Variants in GADL1 observed in about 807,000 individuals in gnomAD.
GADL1 encodes acidic amino acid decarboxylase GADL1.
In GADL1, 71 loss-of-function variants were observed where a neutral mutation model predicts 69.5. That is an observed-to-expected ratio of 1.02 (90% confidence interval 0.84 to 1.25). The LOEUF is 1.25. GADL1 is among the 50% of genes most tolerant of loss of function. GADL1 has a pLI of 0.00. For synonymous variants in GADL1, 254 were observed against 214.4 expected (o/e 1.18, Z -1.62); for missense variants, 737 against 631.8 (o/e 1.17, Z -1.79).
At chr3:30,809,995 G>A (rs544657962) in intron 11 of GADL1, among the ~76,000 whole-genome samples, 1 of 152,278 alleles carries the variant, frequency 6.6e-6, no homozygotes, top group South Asian at 2.1e-4. Context: ...GCTATGTAAT[G>A]AAGTTTGCTG....
chr3:30,786,793 T>C (rs1696800508), intron 12 of GADL1, among the ~76,000 whole-genome samples: 1 of 152,220 alleles, frequency 6.6e-6, no homozygotes, highest in Non-Finnish European at 1.5e-5. Flanking sequence ...TTGTTTTGTT[T>C]TGTTTTGTTT....
At chr3:30,811,219 G>T (rs1276459863) in intron 11 of GADL1, among the ~76,000 whole-genome samples, 1 of 152,162 alleles carries the variant, frequency 6.6e-6, no homozygotes, top group South Asian at 2.1e-4. Context: ...GTTAGAATGA[G>T]CTGCTTAGAA....
chr3:30,736,999 G>A (rs1695549828), intron 14 of GADL1, among the ~76,000 whole-genome samples: 1 of 152,142 alleles, frequency 6.6e-6, no homozygotes, highest in Non-Finnish European at 1.5e-5. Context: ...CCAGCATTGT[G>A]CAGTCTCCTT....
intron 14 of GADL1, among the ~76,000 whole-genome samples, chr3:30,753,640 T>C (rs1695889595): frequency 6.6e-6 from 1 of 152,174 alleles, no homozygotes; most frequent in South Asian, 2.1e-4. Flanking sequence ...ATCACTCTTG[T>C]TTACTTGCGG....
intron 11 of GADL1, among the ~76,000 whole-genome samples, chr3:30,811,825 T>C (rs906970586): frequency 6.6e-6 from 1 of 152,182 alleles, no homozygotes; most frequent in Non-Finnish European, 1.5e-5. Flanking sequence ...AAAATAACAT[T>C]GCAGGGTTCC....
chr3:30,833,420 G>A (rs553743999), intron 11 of GADL1, among the ~76,000 whole-genome samples: 7 of 152,122 alleles, frequency 4.6e-5, no homozygotes, highest in East Asian at 1.9e-4. Flanking sequence ...CCATATAAAC[G>A]GGCTGTTAAG....
Position 30,844,390 on chromosome 3 carries a change from C to G in GADL1, c.728G>C (p.Gly243Ala). The G allele has an allele frequency of 6.2e-7, 1 of 1,611,554 alleles. No individual in the cohort carries two copies. The highest frequency in any genetic ancestry group is 8.5e-7 in the Non-Finnish European group (1 of 1,177,620). The part of the protein sequence containing the change: ...TENVCFVETD[G>A]RGKMIPEELE... Reference sequence around the variant, plus strand: ...TTCCAGATCCTGTTCCCATTACCTTCCATCTGTTTCCACAAAGCAAACATT... The same window carrying G: ...TTCCAGATCCTGTTCCCATTACCTTGCATCTGTTTCCACAAAGCAAACATT... The change falls in exon 7 of 15, where the codon GGA becomes GCA. Residue 243 changes from glycine (G) to alanine (A), a missense_variant. Physicochemically the swap from Gly to Ala is moderately conservative, Grantham distance 60. Coordinates refer to ENST00000282538, the MANE Select transcript of GADL1 (RefSeq NM_207359.3).
At chr3:30,767,319 C>T (rs773122487) in intron 14 of GADL1, among the ~76,000 whole-genome samples, 1 of 152,050 alleles carries the variant, frequency 6.6e-6, no homozygotes, top group Non-Finnish European at 1.5e-5. Context: ...TTAAAGAATG[C>T]TATTTTACAA....
chr3:30,834,278 A>G lies in GADL1; in HGVS notation c.907T>C (p.Ser303Pro). The G allele has an allele frequency of 6.2e-7, 1 of 1,612,074 alleles. No individual in the cohort carries two copies. The highest frequency in any genetic ancestry group is 8.5e-7 in the Non-Finnish European group (1 of 1,178,482). Residue 303 changes from serine (S) to proline (P), a missense_variant, in exon 10 of 15, where the codon TCT becomes CCT. Transcript: ENST00000282538. ...GACATCAAAGCTGAGCCACCCCAAG[A>G]AGCCTGTTGAGATATTTACAGTACC... Reference protein sequence around the residue: ...RHSLWLHVDASWGGSALMSRK... With the variant: ...RHSLWLHVDAPWGGSALMSRK...
intron 14 of GADL1, among the ~76,000 whole-genome samples, chr3:30,759,869 CAG>C (rs544726243): frequency 3.5e-3 from 531 of 152,280 alleles, no homozygotes; most frequent in Non-Finnish European, 3.5e-3. Flanking sequence ...GCAGATATAA[CAG>C]ACTCACAAAA....
chr3:30,814,800 C>G (rs1697431026), intron 11 of GADL1, among the ~76,000 whole-genome samples: 1 of 151,908 alleles, frequency 6.6e-6, no homozygotes, highest in Non-Finnish European at 1.5e-5. Context: ...CCTGCCTCTA[C>G]TAAAAATATA....
At chr3:30,808,203 A>T (rs1300794231) in intron 11 of GADL1, among the ~76,000 whole-genome samples, 1 of 151,302 alleles carries the variant, frequency 6.6e-6, no homozygotes, top group African/African-American at 2.4e-5. Context: ...GAGAGAAGCA[A>T]AGGATGAACC....
chr3:30,880,103 G>A (rs1698623579), intron 1 of GADL1, among the ~76,000 whole-genome samples: 2 of 151,876 alleles, frequency 1.3e-5, no homozygotes, highest in South Asian at 2.1e-4. Context: ...ACAGTCCTCT[G>A]CCTCTGAGTT....
chr3:30,781,355 CTA>C (rs1696661607), intron 13 of GADL1, among the ~76,000 whole-genome samples: 1 of 152,186 alleles, frequency 6.6e-6, no homozygotes, highest in Admixed American at 6.5e-5. Flanking sequence ...CTCACGTTCT[CTA>C]AAACTGAGTT....
chr3:30,790,923 G>A (rs557190615), intron 12 of GADL1, among the ~76,000 whole-genome samples: 3 of 151,986 alleles, frequency 2.0e-5, no homozygotes, highest in Non-Finnish European at 4.4e-5. Context: ...TTAAAGCACA[G>A]GATGATCATG....
At chr3:30,834,412 T>C (rs1208592604) in intron 9 of GADL1, 131 bp from the exon 10 acceptor site, 4 of 730,360 alleles carry the variant, frequency 5.5e-6, no homozygotes, top group Non-Finnish European at 9.3e-6. Flanking sequence ...GTTAACTAAT[T>C]TGTACCCCAG....
chr3:30,833,350 T>TATTAG (rs1697821776), intron 11 of GADL1, among the ~76,000 whole-genome samples: 1 of 152,182 alleles, frequency 6.6e-6, no homozygotes, highest in South Asian at 2.1e-4. Flanking sequence ...ACCAACCACT[T>TATTAG]GGGATGAGCA....
At chr3:30,865,085 T>A (rs1698378042) in intron 1 of GADL1, among the ~76,000 whole-genome samples, 1 of 151,984 alleles carries the variant, frequency 6.6e-6, no homozygotes, top group Non-Finnish European at 1.5e-5. Context: ...AACCTCATCT[T>A]GTTACTGTCC....
At chr3:30,833,629 A>G (rs1697826359) in intron 11 of GADL1, among the ~76,000 whole-genome samples, 1 of 152,096 alleles carries the variant, frequency 6.6e-6, no homozygotes, top group South Asian at 2.1e-4. Context: ...AACTAATGAG[A>G]TTATATAATA....
Sources: gnomAD v4.1 joint callset for allele counts (sites outside exome capture counted in the v4.1 genomes callset) on GRCh38, gnomAD v4.1.1 for gene constraint, MANE v1.5 for transcripts, NCBI Gene and HGNC (gene_info 2026-07-23, HGNC 2026-07-21) for gene names.